Variants in FAM168B observed in about 807,000 individuals in gnomAD.
FAM168B encodes the protein family with sequence similarity 168 member B.
FAM168B carries 19 observed loss-of-function variants against 21.8 expected under a neutral mutation model. The observed-to-expected ratio is 0.87, with a 90% CI of 0.61 to 1.28. FAM168B has a LOEUF of 1.28. Among genes scored for constraint, FAM168B ranks in the 50% most tolerant of loss-of-function variants. FAM168B has a pLI of 0.00. For synonymous variants in FAM168B, 126 were observed against 104.8 expected (o/e 1.20, Z -1.24); for missense variants, 233 against 263.1 (o/e 0.89, Z 0.79).
In FAM168B at chr2:131,071,457, T is replaced by C. The variant is rs552254923; in HGVS notation, c.154+398A>G. Among the ~76,000 whole-genome samples, 697 of 152,302 alleles carry C rather than the reference T, an allele frequency of 4.6e-3. 2 individuals carry two copies. Among genetic ancestry groups the C allele is most frequent in the Non-Finnish European group, 8.4e-3 (571 of 68,028 alleles). On this transcript the variant is annotated intron_variant, in intron 3 of 6. Transcript: ENST00000389915. Reference sequence around the variant, plus strand: ...TAAAAATATTCATCTATACATTACATGGAAAATAATACTTTTTTAAAAAAT... The same window carrying C: ...TAAAAATATTCATCTATACATTACACGGAAAATAATACTTTTTTAAAAAAT...
chr2:131,050,533 G>T lies in FAM168B; in HGVS notation c.*1932C>A, dbSNP rs1304099235. On this transcript the variant is annotated 3_prime_UTR_variant, in exon 7 of 7. Transcript: ENST00000389915. ...ACACTAAGATGGATTAAGTGCTCAT[G>T]AAGCAATTTAAAGTACTTATCAGTA... 3 of 985,704 alleles carry T rather than the reference G, an allele frequency of 3.0e-6. No homozygotes were observed. The highest frequency in any genetic ancestry group is 1.7e-5 in the African/African-American group (1 of 57,212). The allele number at this position is 985,704 out of a possible 1,614,324, so 61.1% of individuals were successfully genotyped here.
intron 5 of FAM168B, among the ~76,000 whole-genome samples, chr2:131,053,548 T>C (rs1201903806): frequency 1.3e-5 from 2 of 152,152 alleles, no homozygotes; most frequent in African/African-American, 2.4e-5. Flanking sequence ...CACAACAATG[T>C]GAATATACTT....
chr2:131,082,338 T>C (rs1558991327), intron 2 of FAM168B, among the ~76,000 whole-genome samples: 1 of 152,112 alleles, frequency 6.6e-6, no homozygotes, highest in Non-Finnish European at 1.5e-5. Context: ...AAGTTAATAC[T>C]GAGGAAGCGA....
chr2:131,052,345 A>G lies in FAM168B; in HGVS notation c.*120T>C. On this transcript the variant is annotated 3_prime_UTR_variant, in exon 7 of 7. Transcript: ENST00000389915. The stretch of plus-strand genomic sequence containing the variant: ...GCTGGGCCGGGATATAGTCGTGTTT[A>G]GCTAAGTGTCGAGAGCATTAAGAAG... 2 of 986,158 alleles carry G rather than the reference A, an allele frequency of 2.0e-6. No homozygotes were observed. The highest frequency in any genetic ancestry group is 2.4e-6 in the Non-Finnish European group (2 of 830,160). 61.1% of individuals were successfully genotyped at this position (986,158 alleles called of 1,614,324 possible).
intron 3 of FAM168B, among the ~76,000 whole-genome samples, chr2:131,066,437 A>G (rs796511906): frequency 6.6e-6 from 1 of 152,320 alleles, no homozygotes; most frequent in African/African-American, 2.4e-5. Context: ...GGCCTCCCAA[A>G]GTGCTGGGAT....
intron 2 of FAM168B, among the ~76,000 whole-genome samples, chr2:131,076,828 G>A (rs1170054673): frequency 2.0e-5 from 3 of 151,574 alleles, no homozygotes; most frequent in Non-Finnish European, 4.4e-5. Context: ...CAAACATCCC[G>A]CCCCACCCCC....
intron 3 of FAM168B, among the ~76,000 whole-genome samples, chr2:131,060,890 T>C (rs1462551242): frequency 6.6e-6 from 1 of 151,930 alleles, no homozygotes; most frequent in Non-Finnish European, 1.5e-5. Flanking sequence ...CTCGCTCAGT[T>C]GCCTAGGCTG....
chr2:131,092,098 G>A (rs1694062689), intron 1 of FAM168B, among the ~76,000 whole-genome samples: 1 of 151,332 alleles, frequency 6.6e-6, no homozygotes, highest in Non-Finnish European at 1.5e-5. Context: ...GAGCCGAGAT[G>A]GCGCCACTGC....
rs933294098 is a variant in FAM168B, at chr2:131,086,959, G to A, written c.-11-4302C>T. 3.9e-5 allele frequency among the ~76,000 whole-genome samples: 5 copies of A among 128,380 alleles called. 1 individual carries two copies. The highest frequency in any genetic ancestry group is 2.0e-4 in the African/African-American group (5 of 25,142). The allele number at this position is 128,380 out of a possible 152,430, so 84.2% of individuals were successfully genotyped here. ...GGGCGCCTGTAGTCCCAGCTACTCG[G>A]GAGGCTGAGGCAGGAGAATGGTGTG... On this transcript the variant is annotated intron_variant, in intron 1 of 6. Transcript: ENST00000389915.
At chr2:131,086,822 T>C (rs1321663593) in intron 1 of FAM168B, among the ~76,000 whole-genome samples, 1 of 138,488 alleles carries the variant, frequency 7.2e-6, no homozygotes, top group Non-Finnish European at 1.5e-5. Context: ...TCCCAGCACT[T>C]TGGGAGGCCG....
rs530064347 is a variant in FAM168B at position 131,087,059 on chromosome 2, G to A, written c.-11-4402C>T. Among the ~76,000 whole-genome samples, 11 of 35,538 alleles carry A rather than the reference G, an allele frequency of 3.1e-4. 1 individual carries two copies. The highest frequency in any genetic ancestry group is 1.7e-3 in the East Asian group (2 of 1,200). The allele number at this position is 35,538 out of a possible 152,430, so 23.3% of individuals were successfully genotyped here. ...CCAGCCTGGGCGACAGCGAGACTCC[G>A]TCTCAAAAAAAAAAAAAAAAAAAAA... On this transcript the variant is annotated intron_variant, in intron 1 of 6. Coordinates refer to ENST00000389915, the MANE Select transcript of FAM168B (RefSeq NM_001009993.4).
intron 1 of FAM168B, among the ~76,000 whole-genome samples, chr2:131,082,932 G>C (rs1693492699): frequency 6.6e-6 from 1 of 152,108 alleles, no homozygotes; most frequent in Non-Finnish European, 1.5e-5. Flanking sequence ...CTAAAAGCAA[G>C]GGGAAAGGCC....
rs543893569 is a variant in FAM168B, at chr2:131,059,312, G to C, written c.155-3617C>G. Among the ~76,000 whole-genome samples, 24 of 152,248 alleles carry C rather than the reference G, an allele frequency of 1.6e-4. No homozygotes were observed. The East Asian group carries it at 4.2e-3, about 27-fold the overall frequency. On this transcript the variant is annotated intron_variant, in intron 3 of 6. Transcript: ENST00000389915. ...GCTCAGAGAGGGGCAGGTGGGGCAA[G>C]GATGTCTCAAATGAAAGAAACTGTG...
chr2:131,049,529 T>C lies in FAM168B; in HGVS notation c.*2936A>G. 1.0e-6 allele frequency: 1 copy of C among 985,474 alleles called. No homozygotes were observed. The highest frequency in any genetic ancestry group is 1.2e-6 in the Non-Finnish European group (1 of 829,952). 61.0% of individuals were successfully genotyped at this position (985,474 alleles called of 1,614,324 possible). A position where few individuals can be genotyped will look rare whatever the true frequency, so the allele number is the denominator to read the frequency against. ...ACAGAGCGGCAAGTTCATGGGTCAC[T>C]GGCTCACACTAAATGCTCAGCCGCC... On this transcript the variant is annotated 3_prime_UTR_variant, in exon 7 of 7. Transcript: ENST00000389915.
At position 131,068,779 on chromosome 2, in the gene FAM168B, G is replaced by C. The variant is rs142895586; in HGVS notation, c.154+3076C>G. Among the ~76,000 whole-genome samples the C allele has an allele frequency of 3.6e-3, 543 of 152,340 alleles. 7 individuals are homozygous for C. Among genetic ancestry groups the C allele is most frequent in the Non-Finnish European group, 4.8e-3 (328 of 68,032 alleles). Reference sequence around the variant, plus strand: ...GGCTATAATCCCAGCACTTTGGAAGGCTGAGGCAGGAGGATCACTTAAGCC... The same window carrying C: ...GGCTATAATCCCAGCACTTTGGAAGCCTGAGGCAGGAGGATCACTTAAGCC... On this transcript the variant is annotated intron_variant, in intron 3 of 6. Transcript: ENST00000389915.
Position 131,048,943 on chromosome 2 carries a change from T to C in FAM168B, c.*3522A>G. ...TCCAACAGTCAGCTGTCGGATAAGG[T>C]GAAGGTGGCCCAACTGCTCAGAGTA... On this transcript the variant is annotated 3_prime_UTR_variant, in exon 7 of 7. Transcript: ENST00000389915. 1.0e-6 allele frequency: 1 copy of C among 985,772 alleles called. No individual in the cohort carries two copies. The highest frequency in any genetic ancestry group is 1.2e-6 in the Non-Finnish European group (1 of 829,984). The allele number at this position is 985,772 out of a possible 1,614,324, so 61.1% of individuals were successfully genotyped here.
At chr2:131,061,498 T>C (rs1031848263) in intron 3 of FAM168B, among the ~76,000 whole-genome samples, 16 of 150,306 alleles carry the variant, frequency 1.1e-4, no homozygotes, top group African/African-American at 2.5e-4. Flanking sequence ...AGATGAATTA[T>C]AGTCAGGCGC....
chr2:131,052,747 C>T, intron 6 of FAM168B, 144 bp downstream of exon 6: 1 of 1,317,724 alleles, frequency 7.6e-7, no homozygotes, highest in Non-Finnish European at 1.0e-6. Flanking sequence ...TCAATAAAAA[C>T]AAAAAATTTA....
intron 3 of FAM168B, among the ~76,000 whole-genome samples, chr2:131,062,894 T>G (rs570283970): frequency 2.0e-5 from 3 of 152,312 alleles, no homozygotes; most frequent in African/African-American, 7.2e-5. Flanking sequence ...ACATTTTACT[T>G]AAAAACAAAA....
Sources: allele counts gnomAD v4.1 joint callset (sites outside exome capture counted in the v4.1 genomes callset), GRCh38; gene constraint gnomAD v4.1.1; transcripts MANE v1.5; gene names NCBI Gene and HGNC (gene_info 2026-07-23, HGNC 2026-07-21).